Variants in FAT1 observed in about 807,000 individuals in gnomAD.
The protein encoded by FAT1 is FAT atypical cadherin 1, also known as protocadherin Fat 1.
In FAT1, 171 loss-of-function variants were observed where a neutral mutation model predicts 329.8. The observed-to-expected ratio is 0.52, with a 90% CI of 0.46 to 0.59. The LOEUF is 0.59. Ranked by LOEUF, FAT1 falls within the 20% of genes least tolerant of loss-of-function variation. The pLI is 0.00. For missense variants in FAT1, 5,672 were observed against 5,774.4 expected, an observed-to-expected ratio of 0.98 and a Z score of 0.57; for synonymous variants, 2,233 against 2,228.6, an observed-to-expected ratio of 1.00 and a Z score of -0.06.
chr4:186,679,029 A>C (rs969357741), intron 2 of FAT1, among the ~76,000 whole-genome samples: 3 of 152,066 alleles, frequency 2.0e-5, no homozygotes, highest in Non-Finnish European at 2.9e-5. Flanking sequence ...AAGGAATTAC[A>C]TGTGCCCTGT....
intron 3 of FAT1, among the ~76,000 whole-genome samples, chr4:186,658,292 G>C (rs1047204702): frequency 2.4e-4 from 37 of 152,186 alleles, no homozygotes; most frequent in African/African-American, 7.7e-4. Context: ...ACAGTTCTTG[G>C]CACCATAATT....
chr4:186,593,320 GTC>G (rs540576722), intron 26 of FAT1, among the ~76,000 whole-genome samples: 1 of 152,206 alleles, frequency 6.6e-6, no homozygotes, highest in Non-Finnish European at 1.5e-5. Context: ...GACTCTGTCC[GTC>G]TGTTTCCTGT....
chr4:186,617,214 T>C lies in FAT1; in HGVS notation c.8879-13A>G, dbSNP rs1278252605. On this transcript the variant is annotated splice_polypyrimidine_tract_variant and intron_variant, in intron 10 of 26. Coordinates refer to ENST00000441802, the MANE Select transcript of FAT1 (RefSeq NM_005245.4). ...AAAGGATCCCCTCCTATTAAATCAA[T>C]GGAGGAAGATAATAATCAAATTTGT... The C allele has an allele frequency of 4.6e-6, 7 of 1,514,428 alleles. No individual in the cohort carries two copies. Among genetic ancestry groups the C allele is most frequent in the Non-Finnish European group, 6.3e-6 (7 of 1,118,992 alleles). 93.8% of individuals were successfully genotyped at this position (1,514,428 alleles called of 1,614,324 possible).
chr4:186,618,068 T>A lies in FAT1; in HGVS notation c.8518A>T (p.Thr2840Ser), dbSNP rs2126490831. 6.2e-7 allele frequency: 1 copy of A among 1,614,038 alleles called. No homozygotes were observed. The highest frequency in any genetic ancestry group is 8.5e-7 in the Non-Finnish European group (1 of 1,179,890). ...AGGCTATACATAACTTGGCCGTTGGTTCCTGAGTCAGCATCAGATGCCCTG... is the reference window on the plus strand; with the variant it reads ...AGGCTATACATAACTTGGCCGTTGGATCCTGAGTCAGCATCAGATGCCCTG... Reference protein sequence around the residue: ...QIRASDADSGTNGQVMYSLDQ... With the variant: ...QIRASDADSGSNGQVMYSLDQ... The change falls in exon 10 of 27, where the codon ACC (threonine) becomes TCC (serine). Residue 2840 changes from threonine (T) to serine (S), a missense_variant. Transcript: ENST00000441802.
At chr4:186,692,213 C>T (rs910767028) in intron 2 of FAT1, among the ~76,000 whole-genome samples, 22 of 152,252 alleles carry the variant, frequency 1.4e-4, no homozygotes, top group Admixed American at 1.2e-3. Context: ...GAGCACTTTC[C>T]TATTAACTGT....
At chr4:186,646,006 TG>T in intron 3 of FAT1, among the ~76,000 whole-genome samples, 1 of 96,904 alleles carries the variant, frequency 1.0e-5, no homozygotes, top group South Asian at 3.5e-4. Flanking sequence ...CACACACACA[TG>T]AAAGATGGCA....
chr4:186,672,332 C>G (rs745600188), intron 2 of FAT1, among the ~76,000 whole-genome samples: 2 of 152,152 alleles, frequency 1.3e-5, no homozygotes, highest in Non-Finnish European at 2.9e-5. Flanking sequence ...GTGGGCCAAT[C>G]AAACTGCTAG....
At chr4:186,650,350 A>G (rs115537925) in intron 3 of FAT1, among the ~76,000 whole-genome samples, 2,509 of 152,290 alleles carry the variant, frequency 0.016, 44 homozygotes, top group Non-Finnish European at 0.022. Flanking sequence ...AAAACTCCCT[A>G]AATATTGACT....
Position 186,621,465 on chromosome 4 carries a change from A to G in FAT1, c.5121T>C (p.Gly1707=), listed in dbSNP as rs776057620. 4.3e-6 allele frequency: 7 copies of G among 1,614,008 alleles called. No homozygotes were observed. Among genetic ancestry groups the G allele is most frequent in the Non-Finnish European group, 5.9e-6 (7 of 1,179,880 alleles). The change falls in exon 10 of 27, where the codon GGT becomes GGC. Residue 1707 remains glycine, a synonymous_variant. Transcript: ENST00000441802. The part of the protein sequence containing the change: ...VVYEIKDGNT[G]DAFDINPHSG... ...AATGTGGATTAATATCAAAAGCATC[A>G]CCTGTATTTCCATCTTTTATTTCAT...
rs1371857913 is a variant in FAT1 at position 186,588,571 on chromosome 4, C to A, written c.*21G>T. ...CACCTCTAGGTTCACTAAAGTCAGGCACTTTGGGGGGAGTTGAGAGTCAGA... is the reference window on the plus strand; with the variant it reads ...CACCTCTAGGTTCACTAAAGTCAGGAACTTTGGGGGGAGTTGAGAGTCAGA... On this transcript the variant is annotated 3_prime_UTR_variant, in exon 27 of 27. Coordinates refer to ENST00000441802, the MANE Select transcript of FAT1 (RefSeq NM_005245.4). 2 of 1,594,408 alleles carry A rather than the reference C, an allele frequency of 1.3e-6. No individual in the cohort carries two copies. The highest frequency in any genetic ancestry group is 1.7e-5 in the Admixed American group (1 of 58,914).
Position 186,618,532 on chromosome 4 carries a change from G to T in FAT1, c.8054C>A (p.Ser2685Tyr). ...GATTTTAACATAGACAAGAACAACA[G>T]ATTCTTTTGATGGAGACCCATTATC... is the stretch of plus-strand genomic sequence containing the variant. Reference protein sequence around the residue: ...AVDNGSPSKESVVLVYVKILP... With the variant: ...AVDNGSPSKEYVVLVYVKILP... Residue 2685 changes from serine to tyrosine, a missense_variant, in exon 10 of 27, where the codon TCT becomes TAT. Ser to Tyr is a moderately radical substitution (Grantham distance 144, BLOSUM62 -2). This residue lies in a region of FAT1 where 3,966 missense variants were observed against 3,915.2 expected (regional missense o/e 1.01). Coordinates refer to ENST00000441802, the MANE Select transcript of FAT1 (RefSeq NM_005245.4). The T allele has an allele frequency of 6.2e-7, 1 of 1,614,032 alleles. No homozygotes were observed. Among genetic ancestry groups the T allele is most frequent in the South Asian group, 1.1e-5 (1 of 91,082 alleles).
At chr4:186,710,194 CTG>C (rs906377825) in intron 1 of FAT1, among the ~76,000 whole-genome samples, 9 of 152,102 alleles carry the variant, frequency 5.9e-5, no homozygotes, top group African/African-American at 2.2e-4. Flanking sequence ...ATATAAGCAA[CTG>C]TTAAAAATTA....
At chr4:186,699,678 G>C (rs1744206724) in intron 2 of FAT1, among the ~76,000 whole-genome samples, 1 of 145,276 alleles carries the variant, frequency 6.9e-6, no homozygotes, top group Non-Finnish European at 1.5e-5. Context: ...TTTATAAGCA[G>C]CATGGTCTGC....
chr4:186,639,800 G>T lies in FAT1; in HGVS notation c.3581-17C>A, dbSNP rs775359684. Reference sequence around the variant, plus strand: ...TGATGAGACCTGTAAAATGATAACAGTTCATTAATCCTCACAAAATAAGGT... The same window carrying T: ...TGATGAGACCTGTAAAATGATAACATTTCATTAATCCTCACAAAATAAGGT... On this transcript the variant is annotated splice_polypyrimidine_tract_variant and intron_variant, in intron 3 of 26. Transcript: ENST00000441802. 6.9e-6 allele frequency: 11 copies of T among 1,597,230 alleles called. No homozygotes were observed. The highest frequency in any genetic ancestry group is 9.4e-6 in the Non-Finnish European group (11 of 1,167,640).
Position 186,588,270 on chromosome 4 carries a change from C to T in FAT1, c.*322G>A, listed in dbSNP as rs1738051511. 1 of 280,532 alleles carries T rather than the reference C, an allele frequency of 3.6e-6. No individual in the cohort carries two copies. Among genetic ancestry groups the T allele is most frequent in the South Asian group, 1.4e-4 (1 of 7,094 alleles). The allele number at this position is 280,532 out of a possible 1,614,324, so 17.4% of individuals were successfully genotyped here. A position where few individuals can be genotyped will look rare whatever the true frequency, so the allele number is the denominator to read the frequency against. The stretch of plus-strand genomic sequence containing the variant: ...ACATAAAATTTACAAAAAAAAGAGA[C>T]AGGAAAATTAAAATAATCAAATCTA... On this transcript the variant is annotated 3_prime_UTR_variant, in exon 27 of 27. Coordinates refer to ENST00000441802, the MANE Select transcript of FAT1 (RefSeq NM_005245.4).
At chr4:186,623,286 T>C (rs1472720169) in intron 9 of FAT1, among the ~76,000 whole-genome samples, 2 of 152,234 alleles carry the variant, frequency 1.3e-5, no homozygotes, top group African/African-American at 2.4e-5. Context: ...TCTGTACTTA[T>C]GAGTCAGTGA....
At chr4:186,605,531 G>A (rs111066895) in intron 17 of FAT1, among the ~76,000 whole-genome samples, 5,588 of 122,710 alleles carry the variant, frequency 0.046, 238 homozygotes, top group African/African-American at 0.075. Flanking sequence ...GGAGTGGGGA[G>A]GAGGAAGAGA....
At position 186,595,859 on chromosome 4, in the gene FAT1, G is replaced by A. The variant is rs1579289321; in HGVS notation, c.13001-33C>T. The A allele has an allele frequency of 2.5e-6, 4 of 1,611,190 alleles. No homozygotes were observed. The East Asian group carries it at 8.9e-5, about 36-fold the overall frequency. On this transcript the variant is annotated intron_variant, in intron 25 of 26. Transcript: ENST00000441802. The stretch of plus-strand genomic sequence containing the variant: ...GAAGGATGACAAACAGTAAGTATAT[G>A]GGCCAAGACGGTTTTGTTCACCGCT...
At position 186,597,729 on chromosome 4, in the gene FAT1, A is replaced by G. The variant is rs979859223; in HGVS notation, c.12321T>C (p.Ser4107=). ...CACACTGACAAACGGCGCCATCCAA[A>G]CTGTCAAAGCATGTTCCGCCATTCT... The part of the protein sequence containing the change: ...PCKNGGTCFD[S]LDGAVCQCDS... The change falls in exon 24 of 27, where the codon AGT becomes AGC. Residue 4107 remains serine, a synonymous_variant. Coordinates refer to ENST00000441802, the MANE Select transcript of FAT1 (RefSeq NM_005245.4). The G allele has an allele frequency of 6.2e-7, 1 of 1,613,950 alleles. No individual in the cohort carries two copies. The highest frequency in any genetic ancestry group is 8.5e-7 in the Non-Finnish European group (1 of 1,179,876).
Sources: allele counts gnomAD v4.1 joint callset (sites outside exome capture counted in the v4.1 genomes callset), GRCh38; gene constraint gnomAD v4.1.1; regional missense constraint gnomAD v4.1.1; transcripts MANE v1.5; gene names NCBI Gene and HGNC (gene_info 2026-07-23, HGNC 2026-07-21).